Variants in CCDC40 observed in about 807,000 individuals in gnomAD.
CCDC40 encodes coiled-coil domain-containing protein 40.
CCDC40 carries 104 observed loss-of-function variants against 124.5 expected under a neutral mutation model. That is an observed-to-expected ratio of 0.84 (90% CI 0.71 to 0.98). The LOEUF (loss-of-function observed/expected upper bound fraction) is 0.98, where lower values mean the gene tolerates loss of function less well. Among genes scored for constraint, CCDC40 ranks in the 50% least tolerant of loss-of-function variants. The pLI is 0.00. For synonymous variants in CCDC40, 580 were observed against 602.9 expected (o/e 0.96, Z 0.56); for missense variants, 1,463 against 1,503.9 (o/e 0.97, Z 0.45).
chr17:80,071,899 C>G (rs562478409), intron 10 of CCDC40, among the ~76,000 whole-genome samples: 5 of 131,218 alleles, frequency 3.8e-5, no homozygotes, highest in Admixed American at 3.7e-4. Context: ...TGCAATGGTG[C>G]GATCTCAGCT....
intron 17 of CCDC40, chr17:80,090,155 CACAGGACGCACACAGGCACG>C: frequency 1.7e-6 from 2 of 1,172,518 alleles, no homozygotes; most frequent in Non-Finnish European, 2.4e-6. Context: ...TGCAGAACAA[CACAGGACGCACACAGGCACG>C]TGCACGAACA....
In CCDC40 at chr17:80,037,696, C is replaced by CAT. The variant is rs71163910; in HGVS notation, c.30-404_30-403dup. Reference sequence around the variant, plus strand: ...TCTTTAATTTTTTAAAAAAGATATACATATATATATATATATATATATATT... The same window carrying CAT: ...TCTTTAATTTTTTAAAAAAGATATACATATATATATATATATATATATATATT... On this transcript the variant is annotated intron_variant, in intron 1 of 19. Coordinates refer to ENST00000397545, the MANE Select transcript of CCDC40 (RefSeq NM_017950.4). Among the ~76,000 whole-genome samples, 13 of 94,750 alleles carry CAT rather than the reference C, an allele frequency of 1.4e-4. 1 individual carries two copies. The East Asian group carries it at 3.8e-3, about 28-fold the overall frequency. 62.2% of individuals were successfully genotyped at this position (94,750 alleles called of 152,430 possible). A position where few individuals can be genotyped will look rare whatever the true frequency, so the allele number is the denominator to read the frequency against.
chr17:80,050,070 G>A lies in CCDC40; in HGVS notation c.946G>A (p.Ala316Thr), dbSNP rs61998241. Residue 316 changes from alanine (A) to threonine (T), a missense_variant, in exon 7 of 20, where the codon GCT becomes ACT. Transcript: ENST00000397545. ...LKLDLQELVV[A>T]TKQSRAQRQE... ...GTTTCTCTCTTTGGTCCAGGTTGTG[G>A]CTACCAAGCAGAGCCGAGCCCAGCG... The A allele has an allele frequency of 2.9e-3, 4,688 of 1,613,928 alleles. 123 individuals are homozygous for A. The African/African-American group carries it at 0.054, about 19-fold the overall frequency.
At chr17:80,056,006 A>ATTTTTTTT (rs1323101032) in intron 7 of CCDC40, among the ~76,000 whole-genome samples, 7 of 9,126 alleles carry the variant, frequency 7.7e-4, no homozygotes, top group Non-Finnish European at 5.8e-4. Flanking sequence ...ATATATATAT[A>ATTTTTTTT]TATATATATA....
chr17:80,097,698 T>G (rs1337871894), intron 19 of CCDC40: 1 of 428,426 alleles, frequency 2.3e-6, no homozygotes. Context: ...GGTTACCTCC[T>G]GGGGCAGGAG....
intron 10 of CCDC40, chr17:80,067,950 A>T (rs749641978): frequency 7.8e-6 from 9 of 1,146,618 alleles, no homozygotes; most frequent in Non-Finnish European, 7.5e-6. Flanking sequence ...CAAACACTTC[A>T]CAACGAGTGA....
At chr17:80,083,802 G>A (rs1239989430) in intron 12 of CCDC40, among the ~76,000 whole-genome samples, 1 of 152,234 alleles carries the variant, frequency 6.6e-6, no homozygotes, top group Non-Finnish European at 1.5e-5. Context: ...GACAGCAGGA[G>A]GGGTCAGAAC....
intron 3 of CCDC40, among the ~76,000 whole-genome samples, chr17:80,041,177 T>TATG (rs1220516508): frequency 6.6e-6 from 1 of 152,144 alleles, no homozygotes; most frequent in African/African-American, 2.4e-5. Flanking sequence ...AACGCTTCTG[T>TATG]ATGTTTCCCA....
chr17:80,044,905 C>A (rs916014594), intron 3 of CCDC40, among the ~76,000 whole-genome samples: 2 of 152,052 alleles, frequency 1.3e-5, no homozygotes, highest in African/African-American at 2.4e-5. Context: ...CCTGAGCGAG[C>A]CTTGCTTCCC....
Position 80,081,887 on chromosome 17 carries a change from A to G in CCDC40, c.1818A>G (p.Ile606Met). The stretch of plus-strand genomic sequence containing the variant: ...CTCCTTGTCTCCAGGAACAAATGAT[A>G]CTCACGGAGGAGTTGCAGGCCATCC... ...ALSQDQLEQM[I>M]LTEELQAIRQ... Residue 606 changes from isoleucine to methionine, a missense_variant, in exon 12 of 20, where the codon ATA (isoleucine) becomes ATG (methionine). Transcript: ENST00000397545. 1 of 1,614,018 alleles carries G rather than the reference A, an allele frequency of 6.2e-7. No homozygotes were observed. The highest frequency in any genetic ancestry group is 8.5e-7 in the Non-Finnish European group (1 of 1,180,000).
intron 5 of CCDC40, among the ~76,000 whole-genome samples, 186 bp from the exon 6 acceptor site, chr17:80,049,720 T>G (rs919740733): frequency 1.3e-5 from 2 of 152,006 alleles, no homozygotes; most frequent in African/African-American, 4.8e-5. Flanking sequence ...GTGCCTCAGA[T>G]GAGACCATGA....
intron 10 of CCDC40, among the ~76,000 whole-genome samples, chr17:80,074,437 A>G (rs566411502): frequency 1.4e-3 from 219 of 152,318 alleles, no homozygotes; most frequent in Middle Eastern, 6.8e-3. Flanking sequence ...GTGAGCCGAG[A>G]TCGCGCCACT....
chr17:80,087,450 G>A lies in CCDC40; in HGVS notation c.2450-157G>A, dbSNP rs1251210548. On this transcript the variant is annotated intron_variant, in intron 14 of 19. Transcript: ENST00000397545. This position sits in a 1 kb window ranked among gnomAD's most constrained non-coding sequence, Gnocchi z 4.5. ...TCCTCTCCTCTGTCCTGGCAGGGACGAGATTCAGGCAGGAGCGCCAGGAAC... is the reference window on the plus strand; with the variant it reads ...TCCTCTCCTCTGTCCTGGCAGGGACAAGATTCAGGCAGGAGCGCCAGGAAC... 8.6e-6 allele frequency: 6 copies of A among 698,716 alleles called. No individual in the cohort carries two copies. Among genetic ancestry groups the A allele is most frequent in the East Asian group, 2.7e-5 (1 of 36,888 alleles). 43.3% of individuals were successfully genotyped at this position (698,716 alleles called of 1,614,324 possible).
rs948217347 is a variant in CCDC40, at chr17:80,099,970, C to G, written c.*195C>G. The G allele has an allele frequency of 3.2e-6, 2 of 631,546 alleles. No homozygotes were observed. Among genetic ancestry groups the G allele is most frequent in the African/African-American group, 3.7e-5 (2 of 54,340 alleles). The allele number at this position is 631,546 out of a possible 1,614,324, so 39.1% of individuals were successfully genotyped here. A position where few individuals can be genotyped will look rare whatever the true frequency, so the allele number is the denominator to read the frequency against. On this transcript the variant is annotated 3_prime_UTR_variant, in exon 20 of 20. Coordinates refer to ENST00000397545, the MANE Select transcript of CCDC40 (RefSeq NM_017950.4). ...AGCAATTTAATAAACCAGGTAAAATCCTAGCGTTTCCCATGGCATCCCATC... is the reference window on the plus strand; with the variant it reads ...AGCAATTTAATAAACCAGGTAAAATGCTAGCGTTTCCCATGGCATCCCATC...
chr17:80,038,266 C>T (rs2037180916), intron 2 of CCDC40, 80 bp downstream of exon 2: 2 of 978,806 alleles, frequency 2.0e-6, no homozygotes, highest in South Asian at 2.7e-5. Flanking sequence ...CACTGTGGCT[C>T]ACGCCTGTAA....
intron 5 of CCDC40, 54 bp downstream of exon 5, chr17:80,048,815 A>G (rs1034850923): frequency 2.0e-6 from 3 of 1,494,152 alleles, no homozygotes; most frequent in South Asian, 1.2e-5. Flanking sequence ...CGAATGACTC[A>G]GGCCCCTTTC....
At chr17:80,080,619 T>C (rs2038425265) in intron 10 of CCDC40, among the ~76,000 whole-genome samples, 1 of 152,224 alleles carries the variant, frequency 6.6e-6, no homozygotes. Flanking sequence ...GCTGGACTAT[T>C]TCCTTCCTAG....
In CCDC40 at chr17:80,099,950, T is replaced by C. The variant is rs2038891223; in HGVS notation, c.*175T>C. The C allele has an allele frequency of 7.2e-6, 5 of 695,242 alleles. No individual in the cohort carries two copies. The Admixed American group carries it at 8.2e-5, about 11-fold the overall frequency. 43.1% of individuals were successfully genotyped at this position (695,242 alleles called of 1,614,324 possible). ...AGGAATCTTTTTAGCCACTCAGCAATTTAATAAACCAGGTAAAATCCTAGC... is the reference window on the plus strand; with the variant it reads ...AGGAATCTTTTTAGCCACTCAGCAACTTAATAAACCAGGTAAAATCCTAGC... On this transcript the variant is annotated 3_prime_UTR_variant, in exon 20 of 20. Transcript: ENST00000397545.
At chr17:80,089,733 A>G in intron 16 of CCDC40, 31 bp from the exon 17 acceptor site, 1 of 1,613,774 alleles carries the variant, frequency 6.2e-7, no homozygotes, top group Non-Finnish European at 8.5e-7. Flanking sequence ...AAAACTCCTA[A>G]TTTCTTACAC....
Sources: gnomAD v4.1 joint callset for allele counts (sites outside exome capture counted in the v4.1 genomes callset) on GRCh38, gnomAD v4.1.1 for gene constraint, Gnocchi (gnomAD v3.1) non-coding constraint, MANE v1.5 for transcripts, NCBI Gene and HGNC (gene_info 2026-07-23, HGNC 2026-07-21) for gene names.